CNRIP1: variants seen among roughly 807,000 people sequenced by gnomAD.
CNRIP1 encodes cannabinoid receptor interacting protein 1, also known as CB1 cannabinoid receptor-interacting protein 1.
A neutral mutation model predicts 15.2 loss-of-function variants in CNRIP1; 10 were observed. The ratio of observed to expected loss-of-function variants is 0.66; its 90% CI spans 0.41 to 1.12. The LOEUF (loss-of-function observed/expected upper bound fraction) is 1.12. CNRIP1 is among the 50% of genes most tolerant of loss of function. The pLI, the probability that CNRIP1 is intolerant of heterozygous loss-of-function variation, is 0.00. For synonymous variants in CNRIP1, 91 were observed against 83.2 expected, an observed-to-expected ratio of 1.09 and a Z score of -0.51; for missense variants, 211 against 214.7, an observed-to-expected ratio of 0.98 and a Z score of 0.11.
chr2:68,297,567 C>CAAAAAAAAAAAAAAAAAAAAAAA (rs112601365), intron 2 of CNRIP1, among the ~76,000 whole-genome samples: 1 of 98,912 alleles, frequency 1.0e-5, no homozygotes, highest in Non-Finnish European at 2.1e-5. Context: ...GACACTGTCT[C>CAAAAAAAAAAAAAAAAAAAAAAA]AAAAAAAAAA....
intron 1 of CNRIP1, among the ~76,000 whole-genome samples, chr2:68,318,245 T>C (rs1230485735): frequency 6.6e-6 from 1 of 152,170 alleles, no homozygotes; most frequent in Non-Finnish European, 1.5e-5. Context: ...ACAAGTTTAC[T>C]GAATTAAAAC....
At chr2:68,290,097 C>T (rs1007607249), downstream of CNRIP1, among the ~76,000 whole-genome samples, 2 of 150,056 alleles carry the variant, frequency 1.3e-5, no homozygotes, top group African/African-American at 4.9e-5. Flanking sequence ...GGCATGATCC[C>T]GGCTCACTGC....
chr2:68,309,283 T>C (rs994050256), intron 2 of CNRIP1, among the ~76,000 whole-genome samples: 3 of 152,188 alleles, frequency 2.0e-5, no homozygotes, highest in Non-Finnish European at 4.4e-5. Flanking sequence ...AAATGGATGT[T>C]TTCCTCAGAA....
At chr2:68,301,918 A>G (rs931083595) in intron 2 of CNRIP1, among the ~76,000 whole-genome samples, 3 of 148,620 alleles carry the variant, frequency 2.0e-5, no homozygotes, top group Admixed American at 1.3e-4. Flanking sequence ...AAAAAAAAAT[A>G]CTAAGCAACC....
Position 68,284,347 on chromosome 2 carries a change from C to T in CNRIP1, c.*81G>A, listed in dbSNP as rs919299230. 3.4e-6 allele frequency: 3 copies of T among 880,666 alleles called. No homozygotes were observed. In the African/African-American group the frequency reaches 5.3e-5, roughly 15 times the overall value. The allele number at this position is 880,666 out of a possible 1,614,324, so 54.6% of individuals were successfully genotyped here. A position where few individuals can be genotyped will look rare whatever the true frequency, so the allele number is the denominator to read the frequency against. On this transcript the variant is annotated 3_prime_UTR_variant, in exon 3 of 3. Coordinates refer to the CNRIP1 transcript ENST00000409559. ...ATTCTGATGGCCTGTGAGAAGCCCT[C>T]CCCTAGAATGCAAAGCAAATAATTT...
downstream of CNRIP1, among the ~76,000 whole-genome samples, chr2:68,292,176 A>G (rs189566318): frequency 3.9e-3 from 588 of 152,298 alleles, 3 homozygotes; most frequent in Middle Eastern, 0.01. Flanking sequence ...AAAAATAGTC[A>G]TTAGGAATGG....
chr2:68,318,193 A>G (rs1172463700), intron 1 of CNRIP1, among the ~76,000 whole-genome samples: 1 of 152,038 alleles, frequency 6.6e-6, no homozygotes, highest in Non-Finnish European at 1.5e-5. Flanking sequence ...ACCAGAAACC[A>G]TCCAGATTTG....
downstream of CNRIP1, among the ~76,000 whole-genome samples, chr2:68,291,659 T>A (rs1358181541): frequency 1.3e-5 from 2 of 151,978 alleles, no homozygotes; most frequent in African/African-American, 2.4e-5. Flanking sequence ...GGCAGGTAGA[T>A]CACGAGGTCA....
chr2:68,293,842 A>C lies in CNRIP1; in HGVS notation c.*20T>G, dbSNP rs1374303411. 1 of 1,610,942 alleles carries C rather than the reference A, an allele frequency of 6.2e-7. No homozygotes were observed. ...TAGATTTCTGAAAAGATTGTCCAGT[A>C]GCATCAGAAAGAGCCACTTTCAGAG... On this transcript the variant is annotated 3_prime_UTR_variant, in exon 3 of 3. Coordinates refer to ENST00000263655, the MANE Select transcript of CNRIP1 (RefSeq NM_015463.3).
intron 2 of CNRIP1, among the ~76,000 whole-genome samples, chr2:68,287,583 C>T (rs139470607): frequency 6.6e-6 from 1 of 152,360 alleles, no homozygotes; most frequent in East Asian, 1.9e-4. Flanking sequence ...CTTCTCACTC[C>T]AGGACCTAAG....
intron 2 of CNRIP1, among the ~76,000 whole-genome samples, chr2:68,297,870 C>T (rs765486064): frequency 1.2e-4 from 18 of 152,006 alleles, no homozygotes; most frequent in Non-Finnish European, 2.2e-4. Context: ...GGTTTATATA[C>T]ATTATGAGCT....
intron 2 of CNRIP1, among the ~76,000 whole-genome samples, chr2:68,297,671 A>AT (rs1671430489): frequency 6.6e-6 from 1 of 151,944 alleles, no homozygotes; most frequent in African/African-American, 2.4e-5. Context: ...ACTTTTAAAG[A>AT]GATACTATTC....
intron 2 of CNRIP1, among the ~76,000 whole-genome samples, chr2:68,307,380 G>A (rs569041211): frequency 1.2e-3 from 181 of 152,290 alleles, no homozygotes; most frequent in Non-Finnish European, 2.1e-3. Context: ...GGAGTATAGT[G>A]GTTTGATCAT....
At chr2:68,317,088 GA>G (rs769081055) in intron 2 of CNRIP1, 68 bp downstream of exon 2, 2 of 1,570,354 alleles carry the variant, frequency 1.3e-6, no homozygotes, top group Middle Eastern at 1.7e-4. Context: ...GAGAGATAGT[GA>G]TTGTTTTCTT....
In CNRIP1 at chr2:68,319,375, C is replaced by G. The variant is rs200064067; in HGVS notation, c.26G>C (p.Arg9Pro). The change falls in exon 1 of 3, where the codon CGC (arginine) becomes CCC (proline). Residue 9 changes from arginine to proline, a missense_variant. Coordinates refer to ENST00000263655, the MANE Select transcript of CNRIP1 (RefSeq NM_015463.3). ...CTGGATGCGCAGCGCGATGGAGAGG[C>G]GCACGAGGCCCGGCAGGTCCCCCAT... MGDLPGLV[R>P]LSIALRIQPN... is the part of the protein sequence containing the mutation. 1 of 1,583,702 alleles carries G rather than the reference C, an allele frequency of 6.3e-7. No individual in the cohort carries two copies. Among genetic ancestry groups the G allele is most frequent in the Non-Finnish European group, 8.6e-7 (1 of 1,166,826 alleles).
exon 3 of CNRIP1, chr2:68,284,378 A>G: frequency 7.9e-7 from 1 of 1,267,848 alleles, no homozygotes. Context: ...AATTTGGAAA[A>G]AAAAAAAAGA....
downstream of CNRIP1, among the ~76,000 whole-genome samples, chr2:68,288,063 G>A (rs141567462): frequency 6.3e-5 from 6 of 95,162 alleles, no homozygotes; most frequent in South Asian, 4.5e-4. Context: ...GTTTGCAGCC[G>A]GCCGGCCAGC....
In CNRIP1 at chr2:68,319,625, GC is replaced by G; in HGVS notation, c.-226del. 2.0e-6 allele frequency: 1 copy of G among 505,836 alleles called. No homozygotes were observed. Among genetic ancestry groups the G allele is most frequent in the Non-Finnish European group, 3.5e-6 (1 of 289,720 alleles). 31.3% of individuals were successfully genotyped at this position (505,836 alleles called of 1,614,324 possible). A position where few individuals can be genotyped will look rare whatever the true frequency, so the allele number is the denominator to read the frequency against. On this transcript the variant is annotated 5_prime_UTR_variant, in exon 1 of 3. The change creates a premature stop within an existing upstream ORF in the 5' untranslated region. Coordinates refer to ENST00000263655, the MANE Select transcript of CNRIP1 (RefSeq NM_015463.3). ...CCCTCCCCACTCGGCGAGGAAGCGGGCCCAAGAGACGGCTCCAAGGCCGCGC... is the reference window on the plus strand; with the variant it reads ...CCCTCCCCACTCGGCGAGGAAGCGGGCCAAGAGACGGCTCCAAGGCCGCGC...
chr2:68,316,376 T>C (rs922438803), intron 2 of CNRIP1: 3 of 152,170 alleles, frequency 2.0e-5, no homozygotes, highest in African/African-American at 7.2e-5. Flanking sequence ...GGGCAGACAG[T>C]TGAAGGTTGT....
Sources: gnomAD v4.1 joint callset for allele counts (sites outside exome capture counted in the v4.1 genomes callset) on GRCh38, gnomAD v4.1.1 for gene constraint, MANE v1.5 for transcripts, NCBI Gene and HGNC (gene_info 2026-07-23, HGNC 2026-07-21) for gene names.